The following TWF1 variants were observed in gnomAD, a reference collection of about 807,000 sequenced individuals.
TWF1 encodes twinfilin-1.
Under a neutral mutation model 47.9 loss-of-function variants are expected in TWF1, and 14 were observed. The ratio of observed to expected loss-of-function variants is 0.29; its 90% CI spans 0.19 to 0.46. The LOEUF is 0.46. Among genes scored for constraint, TWF1 ranks in the 20% least tolerant of loss-of-function variants. The pLI is 1.00. For missense variants in TWF1, 281 were observed against 409.3 expected (o/e 0.69, Z 2.70); for synonymous variants, 96 against 139.2 (o/e 0.69, Z 2.18).
At chr12:43,797,574 C>A (rs1387990604) in intron 6 of TWF1, 122 bp from the exon 7 acceptor site, 2 of 1,405,908 alleles carry the variant, frequency 1.4e-6, no homozygotes, top group Non-Finnish European at 1.9e-6. Context: ...GACTTTTTCA[C>A]AATGAACATT....
chr12:43,806,097 C>A (rs1374460484), intron 1 of TWF1, 124 bp downstream of exon 1: 1 of 1,521,130 alleles, frequency 6.6e-7, no homozygotes, highest in Non-Finnish European at 8.8e-7. Flanking sequence ...AGGCCCGGCT[C>A]GCCCCGCGAG....
Position 43,794,326 on chromosome 12 carries a change from A to C in TWF1, c.*1259T>G, listed in dbSNP as rs1311119735. 2 of 152,676 alleles carry C rather than the reference A, an allele frequency of 1.3e-5. No individual in the cohort carries two copies. Among genetic ancestry groups the C allele is most frequent in the Non-Finnish European group, 2.9e-5 (2 of 68,052 alleles). The allele number at this position is 152,676 out of a possible 1,614,324, so 9.5% of individuals were successfully genotyped here. A position where few individuals can be genotyped will look rare whatever the true frequency, so the allele number is the denominator to read the frequency against. Reference sequence around the variant, plus strand: ...TCTGTCAACCCACAATTATTCTAATATGCTTTACTTACTCGAACACAAATT... The same window carrying C: ...TCTGTCAACCCACAATTATTCTAATCTGCTTTACTTACTCGAACACAAATT... On this transcript the variant is annotated 3_prime_UTR_variant, in exon 9 of 9. Transcript: ENST00000395510.
intron 4 of TWF1, among the ~76,000 whole-genome samples, 166 bp from the exon 5 acceptor site, chr12:43,799,668 T>C (rs894325946): frequency 1.3e-5 from 2 of 152,082 alleles, no homozygotes; most frequent in African/African-American, 4.8e-5. Flanking sequence ...AATTTTAAGT[T>C]TCAAAACTTT....
chr12:43,804,202 T>C, intron 2 of TWF1: 1 of 462,580 alleles, frequency 2.2e-6, no homozygotes, highest in South Asian at 1.6e-5. Flanking sequence ...ATTCCAGAGA[T>C]GGAAGCACTG....
intron 3 of TWF1, 91 bp downstream of exon 3, chr12:43,802,195 A>G: frequency 1.2e-6 from 1 of 822,612 alleles, no homozygotes; most frequent in Non-Finnish European, 1.8e-6. Flanking sequence ...ATGGGAAATA[A>G]TTATTGTTTT....
chr12:43,803,029 C>T (rs560936525), intron 2 of TWF1, among the ~76,000 whole-genome samples: 5 of 152,260 alleles, frequency 3.3e-5, no homozygotes, highest in African/African-American at 1.2e-4. Context: ...TACAGAATCT[C>T]TTATACATAA....
intron 2 of TWF1, chr12:43,804,247 C>T: frequency 2.0e-6 from 1 of 496,182 alleles, no homozygotes; most frequent in Non-Finnish European, 3.9e-6. Context: ...GAAACTGAGA[C>T]ACAAAAAGTA....
chr12:43,802,530 G>T, intron 2 of TWF1, 66 bp from the exon 3 acceptor site: 2 of 1,179,552 alleles, frequency 1.7e-6, no homozygotes, highest in Non-Finnish European at 2.4e-6. Context: ...GTGTGATGAA[G>T]ACTAGAAAAA....
intron 8 of TWF1, among the ~76,000 whole-genome samples, chr12:43,796,434 CTTAAGAAAAT>C (rs1164243000): frequency 2.0e-5 from 3 of 152,024 alleles, no homozygotes; most frequent in Admixed American, 1.3e-4. Context: ...CTTATCTGTA[CTTAAGAAAAT>C]TTAAGAAAAT....
chr12:43,800,689 C>T (rs1383223612), intron 3 of TWF1, among the ~76,000 whole-genome samples, 159 bp from the exon 4 acceptor site: 1 of 152,122 alleles, frequency 6.6e-6, no homozygotes, highest in African/African-American at 2.4e-5. Flanking sequence ...TACAAATAAC[C>T]GTCATTAACA....
intron 1 of TWF1, among the ~76,000 whole-genome samples, chr12:43,805,010 T>C (rs1942731557): frequency 6.6e-6 from 1 of 152,244 alleles, no homozygotes; most frequent in African/African-American, 2.4e-5. Flanking sequence ...CAACAGTATA[T>C]ATCAAATATC....
chr12:43,797,346 A>C lies in TWF1; in HGVS notation c.716T>G (p.Phe239Cys), dbSNP rs1565699188. The C allele has an allele frequency of 8.1e-6, 13 of 1,605,060 alleles. No homozygotes were observed. Among genetic ancestry groups the C allele is most frequent in the Non-Finnish European group, 1.1e-5 (13 of 1,176,614 alleles). The change falls in exon 7 of 9, where the codon TTT (phenylalanine) becomes TGT (cysteine). Residue 239 changes from phenylalanine (F) to cysteine (C), a missense_variant. Physicochemically the swap from Phe to Cys is radical, Grantham distance 205. Coordinates refer to ENST00000395510, the MANE Select transcript of TWF1 (RefSeq NM_002822.5). ...TCCTTCATGGGAATGTTTATACAGA[A>C]AGAAATGGTAACGAGCTGAATCCTT... ...IPKDSARYHF[F>C]LYKHSHEGDY...
chr12:43,805,104 T>C (rs1942733149), intron 1 of TWF1, among the ~76,000 whole-genome samples: 1 of 152,248 alleles, frequency 6.6e-6, no homozygotes. Context: ...TCTCAAAAGC[T>C]AGATTAAACT....
Position 43,802,327 on chromosome 12 carries a change from A to T in TWF1, c.241T>A (p.Tyr81Asn), listed in dbSNP as rs765166842. 1.3e-6 allele frequency: 2 copies of T among 1,583,916 alleles called. No homozygotes were observed. Among genetic ancestry groups the T allele is most frequent in the Non-Finnish European group, 1.7e-6 (2 of 1,168,586 alleles). The change falls in exon 3 of 9, where the codon TAT (tyrosine) becomes AAT (asparagine). Residue 81 changes from tyrosine (Y) to asparagine (N), a missense_variant. Physicochemically the swap from Tyr to Asn is moderately radical, Grantham distance 143. Transcript: ENST00000395510. The part of the protein sequence containing the change: ...FRLDSQNAQG[Y>N]EWIFIAWSPD... Reference sequence around the variant, plus strand: ...GACCATGCAATGAATATCCATTCATATCCCTGGGCATTCTGAGAATCTAAC... The same window carrying T: ...GACCATGCAATGAATATCCATTCATTTCCCTGGGCATTCTGAGAATCTAAC...
In TWF1 at chr12:43,802,452, A is replaced by G; in HGVS notation, c.116T>C (p.Ile39Thr). 1 of 1,600,980 alleles carries G rather than the reference A, an allele frequency of 6.2e-7. No individual in the cohort carries two copies. Among genetic ancestry groups the G allele is most frequent in the South Asian group, 1.1e-5 (1 of 87,892 alleles). Residue 39 changes from isoleucine (I) to threonine (T), a missense_variant, in exon 3 of 9, where the codon ATT becomes ACT. By Grantham distance (89) the Ile-to-Thr change is moderately conservative. Transcript: ENST00000395510. ...KISIENEQLV[I>T]GSYSQPSDSW... ...ATCTGAAGGCTGACTATATGATCCA[A>G]TCACAAGTTGCTCTATGAAAAATTA...
At chr12:43,804,234 G>A (rs1386426845) in intron 2 of TWF1, 3 of 489,764 alleles carry the variant, frequency 6.1e-6, no homozygotes, top group East Asian at 5.5e-5. Context: ...GGACTGTGGT[G>A]CAGAAACTGA....
intron 7 of TWF1, 71 bp downstream of exon 7, chr12:43,797,231 A>C: frequency 6.7e-7 from 1 of 1,496,352 alleles, no homozygotes; most frequent in Non-Finnish European, 9.0e-7. Context: ...GCAAGAAATA[A>C]GTAAGAATAT....
chr12:43,797,151 T>C, intron 7 of TWF1, 54 bp from the exon 8 acceptor site: 1 of 1,513,788 alleles, frequency 6.6e-7, no homozygotes, highest in Non-Finnish European at 9.0e-7. Context: ...ATAAACTTCA[T>C]AAAACTACAT....
At chr12:43,805,925 G>C (rs527892939) in intron 1 of TWF1, 1 of 1,516,730 alleles carries the variant, frequency 6.6e-7, no homozygotes, top group South Asian at 1.1e-5. Context: ...GACTGTCGGG[G>C]ACGGTGGAAG....
Sources: gnomAD v4.1 joint callset for allele counts (sites outside exome capture counted in the v4.1 genomes callset) on GRCh38, gnomAD v4.1.1 for gene constraint, MANE v1.5 for transcripts, NCBI Gene and HGNC (gene_info 2026-07-23, HGNC 2026-07-21) for gene names.